Variants in RRAGD observed in about 807,000 individuals in gnomAD.
RRAGD encodes the protein Ras related GTP binding D.
Under a neutral mutation model 35.5 loss-of-function variants are expected in RRAGD, and 12 were observed. The ratio of observed to expected loss-of-function variants is 0.34; its 90% CI spans 0.22 to 0.55. The LOEUF (loss-of-function observed/expected upper bound fraction) is 0.55, where lower values mean the gene tolerates loss of function less well. RRAGD is among the 20% of genes least tolerant of loss of function. The pLI is 0.91. For missense variants in RRAGD, 324 were observed against 490.1 expected, an observed-to-expected ratio of 0.66 and a Z score of 3.20; for synonymous variants, 155 against 178.9, an observed-to-expected ratio of 0.87 and a Z score of 1.07.
chr6:89,407,756 G>A (rs1769611626), intron 1 of RRAGD, among the ~76,000 whole-genome samples: 1 of 152,148 alleles, frequency 6.6e-6, no homozygotes, highest in African/African-American at 2.4e-5. Context: ...AACACAGGGG[G>A]TGAACTTGGG....
intron 1 of RRAGD, among the ~76,000 whole-genome samples, chr6:89,404,973 A>T (rs552875878): frequency 6.6e-6 from 1 of 152,312 alleles, no homozygotes; most frequent in South Asian, 2.1e-4. Flanking sequence ...ATTGAGAAGT[A>T]TTATAATTAA....
At chr6:89,401,783 C>T (rs189900323) in intron 1 of RRAGD, among the ~76,000 whole-genome samples, 1 of 152,290 alleles carries the variant, frequency 6.6e-6, no homozygotes, top group Admixed American at 6.5e-5. Context: ...ACTTCCTGGG[C>T]CATAACCCTG....
intron 1 of RRAGD, among the ~76,000 whole-genome samples, chr6:89,394,549 C>T (rs998589475): frequency 6.6e-6 from 1 of 152,168 alleles, no homozygotes; most frequent in African/African-American, 2.4e-5. Context: ...TTATTTCCCA[C>T]TTAATCCCTT....
chr6:89,400,596 A>T (rs1012137775), intron 1 of RRAGD, among the ~76,000 whole-genome samples: 12 of 79,878 alleles, frequency 1.5e-4, no homozygotes, highest in African/African-American at 6.1e-4. Context: ...GACAGGCACT[A>T]AAAAAAAAAA....
At chr6:89,399,482 G>A (rs181889218) in intron 1 of RRAGD, among the ~76,000 whole-genome samples, 66 of 152,278 alleles carry the variant, frequency 4.3e-4, no homozygotes, top group Non-Finnish European at 5.4e-4. Context: ...ATGGAAATAC[G>A]CTGTGCAGGC....
chr6:89,380,979 C>T (rs963228344), intron 2 of RRAGD, among the ~76,000 whole-genome samples: 1 of 151,686 alleles, frequency 6.6e-6, no homozygotes, highest in Non-Finnish European at 1.5e-5. Flanking sequence ...CACATAAGAC[C>T]TTCCCCAGAA....
chr6:89,371,876 T>A (rs1176516612), intron 6 of RRAGD, among the ~76,000 whole-genome samples: 2 of 152,164 alleles, frequency 1.3e-5, no homozygotes, highest in Non-Finnish European at 2.9e-5. Context: ...CTAAAAAAAA[T>A]TTGGTGGAGT....
At chr6:89,407,281 G>A (rs897714832) in intron 1 of RRAGD, among the ~76,000 whole-genome samples, 4 of 152,004 alleles carry the variant, frequency 2.6e-5, no homozygotes, top group Non-Finnish European at 5.9e-5. Flanking sequence ...GCACAGGAGG[G>A]AGAACAAAAA....
At chr6:89,383,384 G>A (rs1582510754) in intron 2 of RRAGD, among the ~76,000 whole-genome samples, 2 of 151,812 alleles carry the variant, frequency 1.3e-5, no homozygotes, top group East Asian at 3.8e-4. Context: ...GCAGCATGCA[G>A]CTACAAGGAC....
chr6:89,372,645 C>T (rs1768873692), intron 5 of RRAGD, 60 bp from the exon 6 acceptor site: 1 of 1,478,392 alleles, frequency 6.8e-7, no homozygotes, highest in African/African-American at 1.4e-5. Flanking sequence ...AACTGTAAGC[C>T]AGTGACAAGA....
chr6:89,365,167 A>G lies in RRAGD; in HGVS notation c.*2889T>C, dbSNP rs1768718046. On this transcript the variant is annotated 3_prime_UTR_variant, in exon 7 of 7. Transcript: ENST00000369415. ...ACAAAAGAACAGTTTGTGAATGTCA[A>G]CCAGTTTTTGCTTTATATTCCTTCA... 1 of 152,222 alleles carries G rather than the reference A, an allele frequency of 6.6e-6. No homozygotes were observed. The highest frequency in any genetic ancestry group is 2.1e-4 in the South Asian group (1 of 4,832). 9.4% of individuals were successfully genotyped at this position (152,222 alleles called of 1,614,324 possible). A position where few individuals can be genotyped will look rare whatever the true frequency, so the allele number is the denominator to read the frequency against.
chr6:89,377,057 A>G (rs1356688902), intron 5 of RRAGD, among the ~76,000 whole-genome samples: 2 of 152,182 alleles, frequency 1.3e-5, no homozygotes, highest in African/African-American at 2.4e-5. Context: ...TAAATAGTAA[A>G]TATATTCTTT....
At position 89,365,564 on chromosome 6, in the gene RRAGD, T is replaced by A. The variant is rs117946923; in HGVS notation, c.*2492A>T. The A allele has an allele frequency of 1.5e-4, 23 of 152,364 alleles. No individual in the cohort carries two copies. The East Asian group carries it at 4.4e-3, about 29-fold the overall frequency. The allele number at this position is 152,364 out of a possible 1,614,324, so 9.4% of individuals were successfully genotyped here. A position where few individuals can be genotyped will look rare whatever the true frequency, so the allele number is the denominator to read the frequency against. Reference sequence around the variant, plus strand: ...CTTAGACATAACTCCTGCATCTTTCTTTAATTAAGAAGTCATTGCCACACT... The same window carrying A: ...CTTAGACATAACTCCTGCATCTTTCATTAATTAAGAAGTCATTGCCACACT... On this transcript the variant is annotated 3_prime_UTR_variant, in exon 7 of 7. Transcript: ENST00000369415.
chr6:89,379,302 A>G lies in RRAGD; in HGVS notation c.681T>C (p.Phe227=). Reference sequence around the variant, plus strand: ...TCTGAACAACTTTGCTAAAAGCTTCAAATATTGAATGATCATATATGCTTG... The same window carrying G: ...TCTGAACAACTTTGCTAAAAGCTTCGAATATTGAATGATCATATATGCTTG... The part of the protein sequence containing the change: ...YLTSIYDHSI[F]EAFSKVVQKL... Residue 227 remains phenylalanine (F), a synonymous_variant, in exon 4 of 7, where the codon TTT becomes TTC. Coordinates refer to ENST00000369415, the MANE Select transcript of RRAGD (RefSeq NM_021244.5). The G allele has an allele frequency of 6.2e-7, 1 of 1,603,446 alleles. No individual in the cohort carries two copies. Among genetic ancestry groups the G allele is most frequent in the Non-Finnish European group, 8.5e-7 (1 of 1,171,764 alleles).
chr6:89,383,715 T>C (rs1582510948), intron 2 of RRAGD, among the ~76,000 whole-genome samples: 2 of 152,274 alleles, frequency 1.3e-5, no homozygotes, highest in East Asian at 3.9e-4. Context: ...TGACATTCTG[T>C]GAGGACACAT....
chr6:89,403,590 A>G lies in RRAGD; in HGVS notation c.148+8256T>C, dbSNP rs1034164375. Among the ~76,000 whole-genome samples the G allele has an allele frequency of 3.3e-5, 5 of 151,212 alleles. No individual in the cohort carries two copies. In the South Asian group the frequency reaches 6.2e-4, roughly 19 times the overall value. ...TGGGGATATATATATACATATGGCC[A>G]TGGATGATAATAGACTTCCTGATTG... On this transcript the variant is annotated intron_variant, in intron 1 of 6. Transcript: ENST00000369415.
Position 89,387,329 on chromosome 6 carries a change from C to G in RRAGD, c.410G>C (p.Gly137Ala), listed in dbSNP as rs769044019. The change falls in exon 2 of 7, where the codon GGA (glycine) becomes GCA (alanine). Residue 137 changes from glycine (G) to alanine (A), a missense_variant. Transcript: ENST00000369415. Reference sequence around the variant, plus strand: ...AATGACAAATATCAGTGCTCCTGTTCCCCGGAAGATCATCTCATAGTCAAA... The same window carrying G: ...AATGACAAATATCAGTGCTCCTGTTGCCCGGAAGATCATCTCATAGTCAAA... ...PTFDYEMIFR[G>A]TGALIFVIDS... The G allele has an allele frequency of 2.5e-6, 4 of 1,614,126 alleles. No homozygotes were observed. In the Admixed American group the frequency reaches 5.0e-5, roughly 20 times the overall value.
chr6:89,392,095 A>T (rs1769245976), intron 1 of RRAGD, among the ~76,000 whole-genome samples: 1 of 152,142 alleles, frequency 6.6e-6, no homozygotes, highest in African/African-American at 2.4e-5. Flanking sequence ...CAATTTTTTT[A>T]AAAGGTTTCA....
intron 2 of RRAGD, among the ~76,000 whole-genome samples, chr6:89,385,932 G>A (rs1268496973): frequency 6.6e-6 from 1 of 152,064 alleles, no homozygotes; most frequent in Non-Finnish European, 1.5e-5. Flanking sequence ...GATGGTTCTC[G>A]AGCATGGGCT....
Sources: gnomAD v4.1 joint callset for allele counts (sites outside exome capture counted in the v4.1 genomes callset) on GRCh38, gnomAD v4.1.1 for gene constraint, MANE v1.5 for transcripts, NCBI Gene and HGNC (gene_info 2026-07-23, HGNC 2026-07-21) for gene names.